The following KCNH7 variants were observed in gnomAD, a reference collection of about 807,000 sequenced individuals.
The protein encoded by KCNH7 is potassium voltage-gated channel subfamily H member 7, also known as voltage-gated inwardly rectifying potassium channel KCNH7.
KCNH7 carries 49 observed loss-of-function variants against 120.8 expected under a neutral mutation model. The observed-to-expected ratio is 0.41, with a 90% CI of 0.32 to 0.51. The LOEUF (loss-of-function observed/expected upper bound fraction) is 0.51, where lower values mean the gene tolerates loss of function less well. Among genes scored for constraint, KCNH7 ranks in the 20% least tolerant of loss-of-function variants. The probability of loss-of-function intolerance (pLI) is 0.38; values close to 1 mark genes in which losing one functional copy is unlikely to be tolerated. For synonymous variants in KCNH7, 547 were observed against 516.1 expected, an observed-to-expected ratio of 1.06 and a Z score of -0.81; for missense variants, 1,097 against 1,446.6, an observed-to-expected ratio of 0.76 and a Z score of 3.92.
chr2:162,481,201 T>C (rs897242886), intron 6 of KCNH7, among the ~76,000 whole-genome samples: 2 of 152,216 alleles, frequency 1.3e-5, no homozygotes, highest in African/African-American at 4.8e-5. Flanking sequence ...GTGTCACCAC[T>C]GTAACCAGAG....
chr2:162,468,145 C>G (rs1689370282), intron 6 of KCNH7, among the ~76,000 whole-genome samples: 2 of 152,132 alleles, frequency 1.3e-5, no homozygotes, highest in Admixed American at 1.3e-4. Flanking sequence ...CATCCTGGCA[C>G]TGGTGGGCTC....
intron 3 of KCNH7, among the ~76,000 whole-genome samples, chr2:162,523,563 T>C (rs987607723): frequency 2.0e-5 from 3 of 151,774 alleles, no homozygotes; most frequent in Non-Finnish European, 1.5e-5. Context: ...TCTCTCTCTC[T>C]CCCTACTTCT....
At chr2:162,726,739 T>C (rs1305072730) in intron 2 of KCNH7, among the ~76,000 whole-genome samples, 1 of 152,134 alleles carries the variant, frequency 6.6e-6, no homozygotes, top group African/African-American at 2.4e-5. Context: ...TTTTTAATGG[T>C]CAAATTGCCC....
chr2:162,421,203 A>T (rs1004705309), intron 9 of KCNH7, among the ~76,000 whole-genome samples: 1 of 152,188 alleles, frequency 6.6e-6, no homozygotes, highest in African/African-American at 2.4e-5. Context: ...ACACTCCAGG[A>T]CGATGTAATA....
At chr2:162,659,014 A>G (rs1684864012) in intron 2 of KCNH7, among the ~76,000 whole-genome samples, 1 of 152,228 alleles carries the variant, frequency 6.6e-6, no homozygotes, top group Admixed American at 6.5e-5. Context: ...CCAAAAAAGA[A>G]TGACATGAGG....
intron 2 of KCNH7, among the ~76,000 whole-genome samples, chr2:162,694,847 G>C (rs530087526): frequency 6.6e-6 from 1 of 151,940 alleles, no homozygotes; most frequent in South Asian, 2.1e-4. Flanking sequence ...GGGTTCAAGC[G>C]ATTCTCCTGT....
At chr2:162,691,017 C>T (rs1223715339) in intron 2 of KCNH7, among the ~76,000 whole-genome samples, 1 of 152,132 alleles carries the variant, frequency 6.6e-6, no homozygotes, top group East Asian at 1.9e-4. Context: ...ACAGACTCTA[C>T]TCAGTAGGGC....
rs759883471 is a variant in KCNH7 at position 162,536,977 on chromosome 2, G to A, written c.411C>T (p.Asn137=). 35 of 1,612,640 alleles carry A rather than the reference G, an allele frequency of 2.2e-5. 1 individual carries two copies. Among genetic ancestry groups the A allele is most frequent in the East Asian group, 8.9e-5 (4 of 44,808 alleles). ...INFEYVTDNE[N]AATPERVNPI... ...GGTTTACCCTCTCTGGGGTGGCAGC[G>A]TTTTCATTATCCGTCACATATTCAA... Residue 137 remains asparagine (N), a synonymous_variant, in exon 3 of 16, where the codon AAC becomes AAT. Coordinates refer to ENST00000332142, the MANE Select transcript of KCNH7 (RefSeq NM_033272.4).
rs142734637 is a variant in KCNH7, at chr2:162,780,761, A to G, written c.307+55776T>C. Among the ~76,000 whole-genome samples, 169 of 152,308 alleles carry G rather than the reference A, an allele frequency of 1.1e-3. 1 individual carries two copies. Among genetic ancestry groups the G allele is most frequent in the African/African-American group, 3.8e-3 (158 of 41,586 alleles). On this transcript the variant is annotated intron_variant, in intron 2 of 15. Coordinates refer to ENST00000332142, the MANE Select transcript of KCNH7 (RefSeq NM_033272.4). Reference sequence around the variant, plus strand: ...CTCAACAACTTTTAGGATAGAATGTACTTATAAGTATGAGATTTCTTGCAG... The same window carrying G: ...CTCAACAACTTTTAGGATAGAATGTGCTTATAAGTATGAGATTTCTTGCAG...
intron 2 of KCNH7, among the ~76,000 whole-genome samples, chr2:162,565,211 C>T (rs1459435148): frequency 6.6e-6 from 1 of 151,856 alleles, no homozygotes; most frequent in Non-Finnish European, 1.5e-5. Context: ...TTTTTCTTCC[C>T]CATATAGGTA....
intron 6 of KCNH7, among the ~76,000 whole-genome samples, chr2:162,459,389 T>C (rs1033983470): frequency 6.6e-6 from 1 of 152,068 alleles, no homozygotes; most frequent in Admixed American, 6.6e-5. Flanking sequence ...TGGACCAAAA[T>C]TTGTTGTTCT....
chr2:162,526,543 G>T (rs1045530784), intron 3 of KCNH7, among the ~76,000 whole-genome samples: 6 of 151,900 alleles, frequency 3.9e-5, no homozygotes, highest in African/African-American at 1.4e-4. Context: ...TGTTTCTCAG[G>T]GATGTTCCTT....
intron 2 of KCNH7, among the ~76,000 whole-genome samples, chr2:162,582,715 T>C (rs1433632751): frequency 2.0e-5 from 3 of 152,086 alleles, no homozygotes; most frequent in Non-Finnish European, 2.9e-5. Context: ...GCATTTCAAG[T>C]GACAACAAAA....
chr2:162,446,111 T>C lies in KCNH7; in HGVS notation c.1461A>G (p.Lys487=). The change falls in exon 7 of 16, where the codon AAA becomes AAG. Residue 487 remains lysine, a synonymous_variant. Coordinates refer to ENST00000332142, the MANE Select transcript of KCNH7 (RefSeq NM_033272.4). Reference sequence around the variant, plus strand: ...AGCCTTTGAAGTAGTGTATTGCTATTTTGGCGGGATCACTTACCACTTCTT... The same window carrying C: ...AGCCTTTGAAGTAGTGTATTGCTATCTTGGCGGGATCACTTACCACTTCTT... ...QNEEVVSDPA[K]IAIHYFKGWF... is the part of the protein sequence containing the mutation. 1 of 1,613,890 alleles carries C rather than the reference T, an allele frequency of 6.2e-7. No homozygotes were observed. The highest frequency in any genetic ancestry group is 8.5e-7 in the Non-Finnish European group (1 of 1,179,830).
At chr2:162,563,156 G>A (rs1038144496) in intron 2 of KCNH7, among the ~76,000 whole-genome samples, 1 of 152,146 alleles carries the variant, frequency 6.6e-6, no homozygotes, top group Non-Finnish European at 1.5e-5. Flanking sequence ...CAATGGCCAA[G>A]GGCTTGAGTT....
chr2:162,567,536 T>C (rs938903859), intron 2 of KCNH7, among the ~76,000 whole-genome samples: 2 of 152,032 alleles, frequency 1.3e-5, no homozygotes, highest in Non-Finnish European at 2.9e-5. Context: ...ATGGCTTCAG[T>C]AGAGCATCCA....
intron 2 of KCNH7, among the ~76,000 whole-genome samples, chr2:162,701,703 G>A (rs1002033348): frequency 2.0e-5 from 3 of 152,116 alleles, no homozygotes; most frequent in Non-Finnish European, 4.4e-5. Flanking sequence ...AAACATTTAA[G>A]AGCAAATTAC....
At chr2:162,719,274 T>G (rs750867562) in intron 2 of KCNH7, among the ~76,000 whole-genome samples, 1 of 152,092 alleles carries the variant, frequency 6.6e-6, no homozygotes, top group African/African-American at 2.4e-5. Flanking sequence ...TAATCCATTC[T>G]TTTAAGGAAA....
intron 2 of KCNH7, among the ~76,000 whole-genome samples, chr2:162,808,051 G>T (rs1176113361): frequency 1.3e-5 from 2 of 152,072 alleles, no homozygotes; most frequent in Admixed American, 6.6e-5. Context: ...AGGGATTGGA[G>T]CCCCTATGGA....
Sources: gnomAD v4.1 joint callset for allele counts (sites outside exome capture counted in the v4.1 genomes callset) on GRCh38, gnomAD v4.1.1 for gene constraint, MANE v1.5 for transcripts, NCBI Gene and HGNC (gene_info 2026-07-23, HGNC 2026-07-21) for gene names.